Variants in CXXC4 observed in about 807,000 individuals in gnomAD.
CXXC4 encodes the protein CXXC finger protein 4, also known as CXXC-type zinc finger protein 4.
In CXXC4, 5 loss-of-function variants were observed where a neutral mutation model predicts 20.5. The ratio of observed to expected loss-of-function variants is 0.24; its 90% confidence interval spans 0.13 to 0.51. The LOEUF (loss-of-function observed/expected upper bound fraction) is 0.51, where lower values mean the gene tolerates loss of function less well. CXXC4 is among the 20% of genes least tolerant of loss of function. The pLI, the probability that CXXC4 is intolerant of heterozygous loss-of-function variation, is 0.97. For synonymous variants in CXXC4, 250 were observed against 216.4 expected, an observed-to-expected ratio of 1.16 and a Z score of -1.36; for missense variants, 419 against 496.4, an observed-to-expected ratio of 0.84 and a Z score of 1.48.
rs1736205831 is a variant in CXXC4 at position 104,469,403 on chromosome 4, A to C, written c.*2919T>G. On this transcript the variant is annotated 3_prime_UTR_variant, in exon 3 of 3. Transcript: ENST00000394767. Reference sequence around the variant, plus strand: ...TCCTGTGTGCGTAGACCACTCTTACAAAGTTTTTTATTCAGTTTATCTGAT... The same window carrying C: ...TCCTGTGTGCGTAGACCACTCTTACCAAGTTTTTTATTCAGTTTATCTGAT... 6.6e-6 allele frequency: 1 copy of C among 152,070 alleles called. No homozygotes were observed. Among genetic ancestry groups the C allele is most frequent in the Non-Finnish European group, 1.5e-5 (1 of 67,984 alleles). The allele number at this position is 152,070 out of a possible 1,614,324, so 9.4% of individuals were successfully genotyped here.
intron 2 of CXXC4, among the ~76,000 whole-genome samples, chr4:104,475,646 T>C (rs1235944930): frequency 1.3e-5 from 2 of 152,168 alleles, no homozygotes; most frequent in Non-Finnish European, 2.9e-5. Flanking sequence ...TCTTTTTAAA[T>C]GGTGCGGGGG....
intron 2 of CXXC4, among the ~76,000 whole-genome samples, chr4:104,475,863 T>C (rs1012081104): frequency 6.6e-6 from 1 of 152,044 alleles, no homozygotes; most frequent in African/African-American, 2.4e-5. Context: ...AAGAATAGAA[T>C]TGAGTTGATC....
At chr4:104,490,681 A>AAGGGGAGAGGGAGTGAGG (rs529362539) in intron 2 of CXXC4, 63 bp downstream of exon 2, 417 of 1,386,166 alleles carry the variant, frequency 3.0e-4, no homozygotes, top group Non-Finnish European at 3.8e-4. Context: ...AGAATCCCTG[A>AAGGGGAGAGGGAGTGAGG]AGGGGAGAGG....
At chr4:104,489,298 T>A (rs1736774554) in intron 2 of CXXC4, among the ~76,000 whole-genome samples, 1 of 152,162 alleles carries the variant, frequency 6.6e-6, no homozygotes, top group Admixed American at 6.5e-5. Context: ...CTGATATTTT[T>A]AGAATCCTAG....
chr4:104,473,718 T>C (rs1736334566), intron 2 of CXXC4, among the ~76,000 whole-genome samples: 1 of 151,922 alleles, frequency 6.6e-6, no homozygotes, highest in Non-Finnish European at 1.5e-5. Context: ...TAAGTGCCAA[T>C]ATATTTACTA....
intron 2 of CXXC4, 110 bp from the exon 3 acceptor site, chr4:104,472,476 T>A: frequency 1.6e-6 from 1 of 636,648 alleles, no homozygotes; most frequent in Admixed American, 2.8e-5. Flanking sequence ...ATGTACAACA[T>A]AATGACTTGT....
At chr4:104,480,556 T>C (rs895560045) in intron 2 of CXXC4, among the ~76,000 whole-genome samples, 6 of 152,208 alleles carry the variant, frequency 3.9e-5, no homozygotes, top group Admixed American at 2.0e-4. Flanking sequence ...TTTAAAAATA[T>C]GTTTTTAAAA....
At chr4:104,477,538 A>G (rs1193052695) in intron 2 of CXXC4, among the ~76,000 whole-genome samples, 1 of 152,068 alleles carries the variant, frequency 6.6e-6, no homozygotes, top group Non-Finnish European at 1.5e-5. Context: ...ACAAGTTTTT[A>G]GCAGAAAGAT....
In CXXC4 at chr4:104,468,481, A is replaced by G. The variant is rs1736179010; in HGVS notation, c.*3841T>C. 1 of 151,270 alleles carries G rather than the reference A, an allele frequency of 6.6e-6. No individual in the cohort carries two copies. The allele number at this position is 151,270 out of a possible 1,614,324, so 9.4% of individuals were successfully genotyped here. A position where few individuals can be genotyped will look rare whatever the true frequency, so the allele number is the denominator to read the frequency against. ...GTTTTCCAAAACCGTTTTTTAAATA[A>G]TTGCACAAGCATACATACACCTTAC... On this transcript the variant is annotated 3_prime_UTR_variant, in exon 3 of 3. Transcript: ENST00000394767.
At chr4:104,487,376 G>T (rs1002813604) in intron 2 of CXXC4, among the ~76,000 whole-genome samples, 1 of 152,074 alleles carries the variant, frequency 6.6e-6, no homozygotes, top group Non-Finnish European at 1.5e-5. Context: ...CATGTCACCT[G>T]AACAATGTTC....
chr4:104,491,881 G>T lies in CXXC4; in HGVS notation c.-79C>A. 2.7e-6 allele frequency: 1 copy of T among 368,416 alleles called. No homozygotes were observed. Among genetic ancestry groups the T allele is most frequent in the Non-Finnish European group, 3.8e-6 (1 of 265,836 alleles). 22.8% of individuals were successfully genotyped at this position (368,416 alleles called of 1,614,324 possible). A position where few individuals can be genotyped will look rare whatever the true frequency, so the allele number is the denominator to read the frequency against. On this transcript the variant is annotated 5_prime_UTR_variant, in exon 2 of 3. Coordinates refer to ENST00000394767, the MANE Select transcript of CXXC4 (RefSeq NM_025212.4). ...ACACCTGGGTGGAAAAGGGGGAAAGGTGGGGGGGAGGGAAGGGAGTGATGG... is the reference window on the plus strand; with the variant it reads ...ACACCTGGGTGGAAAAGGGGGAAAGTTGGGGGGGAGGGAAGGGAGTGATGG...
At chr4:104,475,030 C>G (rs1560538630) in intron 2 of CXXC4, 1 of 152,018 alleles carries the variant, frequency 6.6e-6, no homozygotes, top group Non-Finnish European at 1.5e-5. Context: ...GTTAGCAGTA[C>G]AAATTAATTA....
intron 2 of CXXC4, chr4:104,475,162 G>A (rs1309575295): frequency 6.6e-6 from 1 of 152,130 alleles, no homozygotes; most frequent in Non-Finnish European, 1.5e-5. Flanking sequence ...TAAGAATATG[G>A]ACAGTTTATT....
chr4:104,492,808 AG>A (rs1268545683), intron 1 of CXXC4, among the ~76,000 whole-genome samples: 1 of 152,072 alleles, frequency 6.6e-6, no homozygotes, highest in Non-Finnish European at 1.5e-5. Flanking sequence ...TGGGGGTAAG[AG>A]GGTGGTGTTC....
intron 2 of CXXC4, among the ~76,000 whole-genome samples, chr4:104,481,404 A>G (rs1736554894): frequency 6.6e-6 from 1 of 152,014 alleles, no homozygotes; most frequent in South Asian, 2.1e-4. Flanking sequence ...ATCATGGCGT[A>G]TGCCTGTAAT....
rs186309063 is a variant in CXXC4 at position 104,488,087 on chromosome 4, T to C, written c.1059+2657A>G. Among the ~76,000 whole-genome samples, 221 of 152,298 alleles carry C rather than the reference T, an allele frequency of 1.5e-3. 4 individuals carry two copies. The highest frequency in any genetic ancestry group is 0.014 in the Admixed American group (220 of 15,292). On this transcript the variant is annotated intron_variant, in intron 2 of 2. Transcript: ENST00000394767. ...TGATAAAGAAGAATATATGTTATTA[T>C]TATGATCCAGATGTTAATTGGCACC...
intron 1 of CXXC4, among the ~76,000 whole-genome samples, chr4:104,492,711 C>T (rs1049812517): frequency 1.3e-5 from 2 of 152,054 alleles, no homozygotes; most frequent in Non-Finnish European, 2.9e-5. Context: ...TAGTTTGAAT[C>T]CCAGCACAGC....
rs1161659388 is a variant in CXXC4 at position 104,470,251 on chromosome 4, T to TATACAGAGTAGTTGGA, written c.*2070_*2071insTCCAACTACTCTGTAT. The TATACAGAGTAGTTGGA allele has an allele frequency of 6.7e-6, 1 of 149,690 alleles. No individual in the cohort carries two copies. The highest frequency in any genetic ancestry group is 2.5e-5 in the African/African-American group (1 of 40,716). The allele number at this position is 149,690 out of a possible 1,614,324, so 9.3% of individuals were successfully genotyped here. On this transcript the variant is annotated 3_prime_UTR_variant, in exon 3 of 3. Coordinates refer to ENST00000394767, the MANE Select transcript of CXXC4 (RefSeq NM_025212.4). ...AACTAGATAGAAACCCTCAAAGAAATATACATCAAGTAGAAAGCTATCTCA... is the reference window on the plus strand; with the variant it reads ...AACTAGATAGAAACCCTCAAAGAAATATACAGAGTAGTTGGAATACATCAAGTAGAAAGCTATCTCA...
At chr4:104,487,997 G>T (rs1736739836) in intron 2 of CXXC4, among the ~76,000 whole-genome samples, 1 of 152,172 alleles carries the variant, frequency 6.6e-6, no homozygotes, top group African/African-American at 2.4e-5. Flanking sequence ...AAAAAAATCT[G>T]ACTATGTCTC....
Sources: allele counts gnomAD v4.1 joint callset (sites outside exome capture counted in the v4.1 genomes callset), GRCh38; gene constraint gnomAD v4.1.1; transcripts MANE v1.5; gene names NCBI Gene and HGNC (gene_info 2026-07-23, HGNC 2026-07-21).